Variants in ALCAM observed in about 807,000 individuals in gnomAD.
The protein encoded by ALCAM is activated leukocyte cell adhesion molecule, also known as CD166 antigen.
A neutral mutation model predicts 70.9 loss-of-function variants in ALCAM; 30 were observed. That is an observed-to-expected ratio of 0.42 (90% CI 0.32 to 0.57). The LOEUF is 0.57. Among genes scored for constraint, ALCAM ranks in the 20% least tolerant of loss-of-function variants. The pLI is 0.11. For synonymous variants in ALCAM, 249 were observed against 242.5 expected, an observed-to-expected ratio of 1.03 and a Z score of -0.25; for missense variants, 591 against 695.1, an observed-to-expected ratio of 0.85 and a Z score of 1.68.
intron 1 of ALCAM, among the ~76,000 whole-genome samples, chr3:105,390,678 T>G (rs149005025): frequency 1.3e-5 from 2 of 152,276 alleles, no homozygotes; most frequent in African/African-American, 4.8e-5. Context: ...TGCCCATGCC[T>G]ATGTCCTGAA....
chr3:105,563,370 G>T (rs1204082886), intron 14 of ALCAM, among the ~76,000 whole-genome samples: 2 of 10,152 alleles, frequency 2.0e-4, no homozygotes, highest in Non-Finnish European at 2.6e-3. Context: ...ATAACTTTTT[G>T]CTTTTTTTAT....
chr3:105,555,293 G>T (rs957722267), intron 14 of ALCAM, among the ~76,000 whole-genome samples: 2 of 151,924 alleles, frequency 1.3e-5, no homozygotes, highest in African/African-American at 4.8e-5. Context: ...GATATTATTG[G>T]TAATCAAAGT....
chr3:105,519,969 C>T (rs1939487624), intron 1 of ALCAM, 98 bp from the exon 2 acceptor site: 2 of 685,258 alleles, frequency 2.9e-6, no homozygotes, highest in Non-Finnish European at 5.0e-6. Flanking sequence ...CAACCTTCAT[C>T]GACATGCATC....
chr3:105,529,802 T>C (rs958074772), intron 3 of ALCAM, among the ~76,000 whole-genome samples: 3 of 152,100 alleles, frequency 2.0e-5, no homozygotes, highest in Admixed American at 2.0e-4. Context: ...GTGTTTATGA[T>C]TATGGGTGCA....
chr3:105,536,826 G>A (rs967049809), intron 6 of ALCAM, among the ~76,000 whole-genome samples: 1 of 152,150 alleles, frequency 6.6e-6, no homozygotes, highest in Non-Finnish European at 1.5e-5. Context: ...GGGCTCAGGT[G>A]CCCAAGGACA....
intron 12 of ALCAM, among the ~76,000 whole-genome samples, chr3:105,551,377 A>G (rs9876895): frequency 0.083 from 12,586 of 151,664 alleles, 664 homozygotes; most frequent in Non-Finnish European, 0.12. Context: ...TAGGCCTTGC[A>G]GTGACTTTAT....
rs552334316 is a variant in ALCAM at position 105,552,573 on chromosome 3, T to C, written c.1652T>C (p.Met551Thr). ...GCTGGTGTCGTCTACTGGCTGTACA[T>C]GAAGAAGTCAAAGTGAGTTGTGGAA... ...LVAGVVYWLY[M>T]KKSKTASKHV... The change falls in exon 14 of 16, where the codon ATG becomes ACG. Residue 551 changes from methionine (M) to threonine (T), a missense_variant. By Grantham distance (81) the Met-to-Thr change is moderately conservative. This residue lies in a region of ALCAM where 164 missense variants were observed against 244.7 expected (regional missense o/e 0.67). Coordinates refer to ENST00000306107, the MANE Select transcript of ALCAM (RefSeq NM_001627.4). 1 of 1,611,408 alleles carries C rather than the reference T, an allele frequency of 6.2e-7. No homozygotes were observed. The highest frequency in any genetic ancestry group is 1.7e-5 in the Admixed American group (1 of 59,824).
intron 1 of ALCAM, among the ~76,000 whole-genome samples, chr3:105,386,492 T>C (rs1203789068): frequency 1.3e-5 from 2 of 151,522 alleles, no homozygotes; most frequent in Non-Finnish European, 3.0e-5. Flanking sequence ...AAATGTCTAG[T>C]GTGTGCAAAT....
At chr3:105,431,142 CAAAA>C (rs111778942) in intron 1 of ALCAM, among the ~76,000 whole-genome samples, 1 of 117,896 alleles carries the variant, frequency 8.5e-6, no homozygotes, top group African/African-American at 3.1e-5. Context: ...TCCTTCGAAA[CAAAA>C]AAAAAAAAAA....
intron 1 of ALCAM, among the ~76,000 whole-genome samples, chr3:105,516,976 TGGC>T (rs1939397887): frequency 6.6e-6 from 1 of 152,108 alleles, no homozygotes; most frequent in Admixed American, 6.6e-5. Flanking sequence ...TTTTTAGACT[TGGC>T]AATTCAAAGA....
At chr3:105,528,908 G>A (rs1182869837) in intron 3 of ALCAM, among the ~76,000 whole-genome samples, 1 of 152,068 alleles carries the variant, frequency 6.6e-6, no homozygotes, top group Non-Finnish European at 1.5e-5. Context: ...GAAACCATTT[G>A]AGTCTTAGCA....
intron 15 of ALCAM, among the ~76,000 whole-genome samples, chr3:105,573,075 A>G (rs1457197913): frequency 6.6e-6 from 1 of 152,242 alleles, no homozygotes; most frequent in Admixed American, 6.5e-5. Context: ...CTGTAATCCC[A>G]GCACTTTGGG....
chr3:105,546,034 G>A (rs1333861594), intron 9 of ALCAM, among the ~76,000 whole-genome samples: 1 of 151,396 alleles, frequency 6.6e-6, no homozygotes, highest in African/African-American at 2.4e-5. Flanking sequence ...TAGGCCATTG[G>A]CTATCCTTTT....
chr3:105,454,653 A>ATTTTTTTTTTTTTTTTTTTTTTTTTTTTT (rs59389132), intron 1 of ALCAM, among the ~76,000 whole-genome samples: 2 of 61,754 alleles, frequency 3.2e-5, no homozygotes, highest in Admixed American at 2.9e-4. Context: ...ATGCTCATTA[A>ATTTTTTTTTTTTTTTTTTTTTTTTTTTTT]TTTTTTTTTT....
chr3:105,377,488 T>C (rs1204098049), intron 1 of ALCAM, among the ~76,000 whole-genome samples: 1 of 152,074 alleles, frequency 6.6e-6, no homozygotes, highest in African/African-American at 2.4e-5. Context: ...TAAACTCTCT[T>C]CATAAATCTG....
In ALCAM at chr3:105,366,929, G is replaced by GCCGCCGCTGCCGCTGCTA. The variant is rs1935069121; in HGVS notation, c.-477_-460dup. The GCCGCCGCTGCCGCTGCTA allele has an allele frequency of 6.2e-6, 1 of 160,954 alleles. No individual in the cohort carries two copies. Among genetic ancestry groups the GCCGCCGCTGCCGCTGCTA allele is most frequent in the Non-Finnish European group, 1.4e-5 (1 of 73,004 alleles). The allele number at this position is 160,954 out of a possible 1,614,324, so 10.0% of individuals were successfully genotyped here. A position where few individuals can be genotyped will look rare whatever the true frequency, so the allele number is the denominator to read the frequency against. On this transcript the variant is annotated 5_prime_UTR_variant, in exon 1 of 16. Coordinates refer to ENST00000306107, the MANE Select transcript of ALCAM (RefSeq NM_001627.4). Reference sequence around the variant, plus strand: ...TACTCAGAGCAGCCCGGAGACCGCTGCCGCCGCTGCCGCTGCTACCACCGC... The same window carrying GCCGCCGCTGCCGCTGCTA: ...TACTCAGAGCAGCCCGGAGACCGCTGCCGCCGCTGCCGCTGCTACCGCCGCTGCCGCTGCTACCACCGC...
At chr3:105,574,162 C>G (rs1184709021) in intron 15 of ALCAM, among the ~76,000 whole-genome samples, 2 of 151,834 alleles carry the variant, frequency 1.3e-5, no homozygotes, top group Admixed American at 1.3e-4. Context: ...AGACAAATCC[C>G]ACGAAATAGT....
At chr3:105,478,895 G>T (rs998455454) in intron 1 of ALCAM, among the ~76,000 whole-genome samples, 2 of 152,070 alleles carry the variant, frequency 1.3e-5, no homozygotes, top group Non-Finnish European at 2.9e-5. Context: ...AATAACCTCA[G>T]ATTGGTTTGG....
intron 1 of ALCAM, among the ~76,000 whole-genome samples, chr3:105,498,066 T>G (rs931879409): frequency 6.6e-6 from 1 of 151,706 alleles, no homozygotes; most frequent in East Asian, 1.9e-4. Flanking sequence ...TGGACTATCC[T>G]TTGTGAAGCA....
Sources: allele counts gnomAD v4.1 joint callset (sites outside exome capture counted in the v4.1 genomes callset), GRCh38; gene constraint gnomAD v4.1.1; regional missense constraint gnomAD v4.1.1; transcripts MANE v1.5; gene names NCBI Gene and HGNC (gene_info 2026-07-23, HGNC 2026-07-21).